FAM163A: variants seen among roughly 807,000 people sequenced by gnomAD.
FAM163A encodes family with sequence similarity 163 member A, also known as protein FAM163A.
In FAM163A, 7 loss-of-function variants were observed where a neutral mutation model predicts 12.0. That is an observed-to-expected ratio of 0.58 (90% confidence interval 0.33 to 1.10). The LOEUF (loss-of-function observed/expected upper bound fraction) is 1.10. FAM163A is among the 50% of genes least tolerant of loss of function. The probability of loss-of-function intolerance (pLI) is 0.03; values close to 1 mark genes in which losing one functional copy is unlikely to be tolerated. For synonymous variants in FAM163A, 101 were observed against 91.0 expected (o/e 1.11, Z -0.62); for missense variants, 202 against 218.6 (o/e 0.92, Z 0.48).
At chr1:179,734,250 A>G in the FAM163A span, among the ~76,000 whole-genome samples, 1 of 152,208 alleles carries the variant, frequency 6.6e-6, no homozygotes, top group African/African-American at 2.4e-5. Context: ...CTGTAGACCT[A>G]TATAGGAGAA....
At chr1:179,792,486 C>T (rs1016663631) in intron 1 of FAM163A, among the ~76,000 whole-genome samples, 9 of 152,028 alleles carry the variant, frequency 5.9e-5, no homozygotes, top group Non-Finnish European at 8.8e-5. Flanking sequence ...GTCTCAGTGA[C>T]GAGGGATGTA....
chr1:179,742,366 C>T (rs889288554), upstream of FAM163A: 1 of 152,174 alleles, frequency 6.6e-6, no homozygotes, highest in East Asian at 1.9e-4. Context: ...ACTAACCTGC[C>T]TAAGAAGAGA....
At chr1:179,739,497 T>C (rs533813725), upstream of FAM163A, among the ~76,000 whole-genome samples, 2 of 151,352 alleles carry the variant, frequency 1.3e-5, no homozygotes, top group Non-Finnish European at 2.9e-5. Context: ...CAACACAAAT[T>C]TTTAAACTTT....
chr1:179,756,943 G>A (rs1425301511), intron 1 of FAM163A, among the ~76,000 whole-genome samples: 1 of 152,206 alleles, frequency 6.6e-6, no homozygotes, highest in Non-Finnish European at 1.5e-5. Flanking sequence ...AGAATAGCGA[G>A]TAGGAGTTGG....
the FAM163A span, among the ~76,000 whole-genome samples, chr1:179,732,880 CA>C: frequency 0.013 from 506 of 39,112 alleles, 2 homozygotes; most frequent in African/African-American, 0.041. Flanking sequence ...GACTCTGCCT[CA>C]AAAAAAAAAA....
At chr1:179,760,324 C>G (rs940305762) in intron 1 of FAM163A, among the ~76,000 whole-genome samples, 1 of 152,070 alleles carries the variant, frequency 6.6e-6, no homozygotes, top group Admixed American at 6.6e-5. Flanking sequence ...TAAGGCTGAC[C>G]CAGGGAGCCC....
At chr1:179,776,568 A>C (rs1400771060) in intron 1 of FAM163A, among the ~76,000 whole-genome samples, 1 of 151,854 alleles carries the variant, frequency 6.6e-6, no homozygotes, top group East Asian at 1.9e-4. Flanking sequence ...TTATCCCCTC[A>C]GCCCTGCCTG....
At chr1:179,786,435 G>A (rs1456453514) in intron 1 of FAM163A, among the ~76,000 whole-genome samples, 1 of 152,190 alleles carries the variant, frequency 6.6e-6, no homozygotes, top group Non-Finnish European at 1.5e-5. Flanking sequence ...TGAGTGCCAT[G>A]CACAAAGTAA....
chr1:179,778,133 G>C (rs868652469), intron 1 of FAM163A, among the ~76,000 whole-genome samples: 1 of 152,194 alleles, frequency 6.6e-6, no homozygotes, highest in African/African-American at 2.4e-5. Context: ...ATCCTCTTTA[G>C]GTTGGGGTAA....
chr1:179,749,831 C>T (rs1685022144), intron 1 of FAM163A, among the ~76,000 whole-genome samples: 1 of 152,002 alleles, frequency 6.6e-6, no homozygotes, highest in Admixed American at 6.6e-5. Context: ...TGCGCTCCAG[C>T]CTGGGCAACA....
intron 1 of FAM163A, among the ~76,000 whole-genome samples, chr1:179,770,816 A>G (rs149468929): frequency 2.0e-5 from 3 of 152,190 alleles, no homozygotes; most frequent in Non-Finnish European, 2.9e-5. Context: ...CGCCCCCATC[A>G]TAGGACTTAG....
intron 1 of FAM163A, among the ~76,000 whole-genome samples, chr1:179,744,480 T>G (rs1054284918): frequency 1.3e-5 from 2 of 152,132 alleles, no homozygotes; most frequent in African/African-American, 4.8e-5. Flanking sequence ...GGTGGCATCC[T>G]GGTTCTCTGC....
At chr1:179,756,360 G>GA (rs2148016496) in intron 1 of FAM163A, among the ~76,000 whole-genome samples, 1 of 152,276 alleles carries the variant, frequency 6.6e-6, no homozygotes, top group East Asian at 1.9e-4. Flanking sequence ...AAACACTTAA[G>GA]AGAGAAAATG....
chr1:179,813,731 C>T lies in FAM163A; in HGVS notation c.94-48C>T, dbSNP rs372609404. The T allele has an allele frequency of 8.7e-6, 14 of 1,602,806 alleles. No individual in the cohort carries two copies. In the Admixed American group the frequency reaches 2.0e-4, roughly 23 times the overall value. On this transcript the variant is annotated intron_variant, in intron 4 of 4. Coordinates refer to ENST00000341785, the MANE Select transcript of FAM163A (RefSeq NM_173509.3). ...TGTGCACGCTCAAAAATGCATGGGGCGGGGGGAGCATTCACCCTCTCAGGC... is the reference window on the plus strand; with the variant it reads ...TGTGCACGCTCAAAAATGCATGGGGTGGGGGGAGCATTCACCCTCTCAGGC...
At chr1:179,765,783 T>G (rs1227758061) in intron 1 of FAM163A, among the ~76,000 whole-genome samples, 6 of 151,498 alleles carry the variant, frequency 4.0e-5, no homozygotes, top group Admixed American at 4.0e-4. Context: ...CTCTCTTGAA[T>G]GGTGGACAAA....
intron 2 of FAM163A, among the ~76,000 whole-genome samples, chr1:179,810,459 C>T (rs548082095): frequency 1.1e-4 from 17 of 152,340 alleles, no homozygotes; most frequent in Admixed American, 8.5e-4. Context: ...AGCTGCATGC[C>T]TGCCCTGGCC....
At chr1:179,729,176 T>C in the FAM163A span, among the ~76,000 whole-genome samples, 2 of 152,228 alleles carry the variant, frequency 1.3e-5, no homozygotes, top group African/African-American at 4.8e-5. Flanking sequence ...CAAAGAAACT[T>C]GGTGTATATT....
At chr1:179,735,371 G>A in the FAM163A span, among the ~76,000 whole-genome samples, 9 of 152,244 alleles carry the variant, frequency 5.9e-5, no homozygotes, top group Admixed American at 5.2e-4. Context: ...CTTGTATTCA[G>A]TGTCACTGGG....
intron 1 of FAM163A, among the ~76,000 whole-genome samples, chr1:179,792,343 T>G (rs568237371): frequency 6.2e-4 from 94 of 151,414 alleles, no homozygotes; most frequent in African/African-American, 1.9e-3. Context: ...TGGGTCTCTT[T>G]ATGTTGACCA....
Sources: allele counts gnomAD v4.1 joint callset (sites outside exome capture counted in the v4.1 genomes callset), GRCh38; gene constraint gnomAD v4.1.1; transcripts MANE v1.5; gene names NCBI Gene and HGNC (gene_info 2026-07-23, HGNC 2026-07-21).